Variants in UBN1 observed in about 807,000 individuals in gnomAD.
UBN1 encodes the protein ubinuclein 1.
A neutral mutation model predicts 108.5 loss-of-function variants in UBN1; 17 were observed. The ratio of observed to expected loss-of-function variants is 0.16; its 90% CI spans 0.11 to 0.24. UBN1 has a LOEUF of 0.24. Ranked by LOEUF, UBN1 falls within the 10% of genes least tolerant of loss-of-function variation. The probability of loss-of-function intolerance (pLI) is 1.00; values close to 1 mark genes in which losing one functional copy is unlikely to be tolerated. For missense variants in UBN1, 1,595 were observed against 1,394.4 expected (o/e 1.14, Z -2.29); for synonymous variants, 726 against 564.2 (o/e 1.29, Z -4.07).
Position 4,874,451 on chromosome 16 carries a change from G to C in UBN1, c.2041G>C (p.Ala681Pro). Residue 681 changes from alanine (A) to proline (P), a missense_variant, in exon 15 of 18, where the codon GCT becomes CCT. Coordinates refer to ENST00000262376, the MANE Select transcript of UBN1 (RefSeq NM_001079514.3). Reference protein sequence around the residue: ...SSVEAVSKELAALNSRAAGNS... With the variant: ...SSVEAVSKELPALNSRAAGNS... ...GGTGGAAGCCGTGTCCAAGGAATTG[G>C]CTGCATTGAATAGCAGAGCAGCTGG... The C allele has an allele frequency of 6.2e-7, 1 of 1,614,128 alleles. No homozygotes were observed. Among genetic ancestry groups the C allele is most frequent in the Non-Finnish European group, 8.5e-7 (1 of 1,180,034 alleles).
At chr16:4,868,290 ATG>A (rs1011306871) in intron 7 of UBN1, among the ~76,000 whole-genome samples, 2 of 152,188 alleles carry the variant, frequency 1.3e-5, no homozygotes, top group African/African-American at 4.8e-5. Flanking sequence ...AATAGGTAAT[ATG>A]GTGGGTTAAT....
intron 8 of UBN1, 89 bp downstream of exon 8, chr16:4,868,992 T>C (rs924647966): frequency 6.0e-6 from 8 of 1,325,754 alleles, no homozygotes; most frequent in Non-Finnish European, 6.4e-6. Context: ...GGGAGTACAA[T>C]TGAACTGCAT....
In UBN1 at chr16:4,859,773, T is replaced by A. The variant is rs1009094128; in HGVS notation, c.568-92T>A. The A allele has an allele frequency of 2.1e-5, 33 of 1,559,382 alleles. No individual in the cohort carries two copies. In the South Asian group the frequency reaches 3.8e-4, roughly 18 times the overall value. Reference sequence around the variant, plus strand: ...GAAGGAAATGAGACAGGTCTCAGGATGTGCCCCGGGCGGAGCAAGGCCAGT... The same window carrying A: ...GAAGGAAATGAGACAGGTCTCAGGAAGTGCCCCGGGCGGAGCAAGGCCAGT... On this transcript the variant is annotated intron_variant, in intron 5 of 17. Transcript: ENST00000262376.
At chr16:4,858,448 G>C (rs2086907584) in intron 3 of UBN1, 120 bp from the exon 4 acceptor site, 1 of 836,992 alleles carries the variant, frequency 1.2e-6, no homozygotes, top group Non-Finnish European at 1.9e-6. Context: ...GTGTATGTGA[G>C]AGAGTGACTG....
In UBN1 at chr16:4,853,001, G is replaced by A. The variant is rs760978486; in HGVS notation, c.84G>A (p.Glu28=). The A allele has an allele frequency of 7.4e-6, 12 of 1,614,092 alleles. No individual in the cohort carries two copies. The highest frequency in any genetic ancestry group is 9.3e-6 in the Non-Finnish European group (11 of 1,180,042). The stretch of plus-strand genomic sequence containing the variant: ...TTTTGAAGAAGTCCCGGAAGGAGGA[G>A]GCTGGGGCAGGAGAACAGCATCAGG... ...PAFLKKSRKE[E]AGAGEQHQDC... Residue 28 remains glutamate (E), a synonymous_variant, in exon 2 of 18, where the codon GAG becomes GAA. Transcript: ENST00000262376.
intron 6 of UBN1, 107 bp from the exon 7 acceptor site, chr16:4,860,557 A>G (rs2087012571): frequency 1.5e-5 from 18 of 1,164,346 alleles, no homozygotes; most frequent in Non-Finnish European, 1.8e-5. Context: ...GTGGACTGTG[A>G]CAGGTTCTCC....
At position 4,875,350 on chromosome 16, in the gene UBN1, G is replaced by A; in HGVS notation, c.2940G>A (p.Gly980=). ...GTCCAAACGGAGATTCCAGTGGTGGGACCCAGGGAGTGGCAAAGTTGCTGA... is the reference window on the plus strand; with the variant it reads ...GTCCAAACGGAGATTCCAGTGGTGGAACCCAGGGAGTGGCAAAGTTGCTGA... The part of the protein sequence containing the change: ...PGGPNGDSSG[G]TQGVAKLLTS... The change falls in exon 15 of 18, where the codon GGG becomes GGA. Residue 980 remains glycine (G), a synonymous_variant. Transcript: ENST00000262376. 1 of 1,614,186 alleles carries A rather than the reference G, an allele frequency of 6.2e-7. No individual in the cohort carries two copies. The highest frequency in any genetic ancestry group is 8.5e-7 in the Non-Finnish European group (1 of 1,180,042).
rs373998683 is a variant in UBN1 at position 4,852,972 on chromosome 16, G to C, written c.55G>C (p.Ala19Pro). The part of the protein sequence containing the change: ...FTSLPGSLNP[A>P]FLKKSRKEEA... ...CTCTCTCCCAGGTTCCCTGAATCCT[G>C]CGTTTTTGAAGAAGTCCCGGAAGGA... Residue 19 changes from alanine (A) to proline (P), a missense_variant, in exon 2 of 18, where the codon GCG (alanine) becomes CCG (proline). Around this residue, in one of 3 missense-constraint regions of UBN1, gnomAD observed 181 missense variants for 157.3 expected, o/e 1.15. Transcript: ENST00000262376. The C allele has an allele frequency of 1.2e-6, 2 of 1,614,070 alleles. No homozygotes were observed. Among genetic ancestry groups the C allele is most frequent in the Non-Finnish European group, 1.7e-6 (2 of 1,180,054 alleles).
intron 1 of UBN1, among the ~76,000 whole-genome samples, chr16:4,851,218 T>C (rs1316600750): frequency 6.6e-6 from 1 of 152,200 alleles, no homozygotes; most frequent in Non-Finnish European, 1.5e-5. Context: ...AATGACCATA[T>C]AGGCTGGGCT....
chr16:4,874,141 T>TATCCTCACAACAGGCCAATGTTGGC, intron 14 of UBN1, 70 bp from the exon 15 acceptor site: 1 of 1,488,272 alleles, frequency 6.7e-7, no homozygotes, highest in Non-Finnish European at 8.9e-7. Context: ...CACATGTTTG[T>TATCCTCACAACAGGCCAATGTTGGC]ATCCTCACAA....
rs3747614 is a variant in UBN1, at chr16:4,858,666, A to G, written c.432+3A>G. 0.14 allele frequency: 233,174 copies of G among 1,613,120 alleles called. 18,564 individuals are homozygous for G. The highest frequency in any genetic ancestry group is 0.26 in the South Asian group (23,475 of 91,028). On this transcript the variant is annotated splice_donor_region_variant and intron_variant, in intron 4 of 17. Transcript: ENST00000262376. ...CCTTCATCGATAACTCTGAGGCGGT[A>G]AGTAGTTACTGAAAATGCCGTGTCA...
chr16:4,871,029 A>T, intron 11 of UBN1, 57 bp downstream of exon 11: 1 of 1,608,880 alleles, frequency 6.2e-7, no homozygotes, highest in Non-Finnish European at 8.5e-7. Flanking sequence ...GTGTCTGAGC[A>T]CGTCCCCTAT....
intron 1 of UBN1, among the ~76,000 whole-genome samples, chr16:4,849,767 A>C (rs1190269786): frequency 6.6e-6 from 1 of 151,764 alleles, no homozygotes; most frequent in Non-Finnish European, 1.5e-5. Flanking sequence ...TAATTTAAAA[A>C]AAATTTTTTT....
Position 4,875,395 on chromosome 16 carries a change from C to T in UBN1, c.2985C>T (p.Pro995=), listed in dbSNP as rs757417847. ...TGCTGACCTCGCCGTCCCTAAAGCCCTCTGCAGTTAGTAGTGTGACATCGT... is the reference window on the plus strand; with the variant it reads ...TGCTGACCTCGCCGTCCCTAAAGCCTTCTGCAGTTAGTAGTGTGACATCGT... ...AKLLTSPSLK[P]SAVSSVTSST... Residue 995 remains proline, a synonymous_variant, in exon 15 of 18, where the codon CCC becomes CCT. Transcript: ENST00000262376. 7.6e-5 allele frequency: 123 copies of T among 1,613,838 alleles called. No individual in the cohort carries two copies. Among genetic ancestry groups the T allele is most frequent in the Non-Finnish European group, 1.0e-4 (120 of 1,179,942 alleles).
At chr16:4,866,664 C>T (rs2142213398) in intron 7 of UBN1, among the ~76,000 whole-genome samples, 1 of 152,312 alleles carries the variant, frequency 6.6e-6, no homozygotes, top group Non-Finnish European at 1.5e-5. Context: ...AGGCATGCAC[C>T]ACCATGCCCA....
At chr16:4,849,967 C>CAAAAAAAA (rs1427006025) in intron 1 of UBN1, among the ~76,000 whole-genome samples, 2 of 117,712 alleles carry the variant, frequency 1.7e-5, no homozygotes, top group Admixed American at 8.8e-5. Context: ...AAAAAAAAAA[C>CAAAAAAAA]CACAAAAAAA....
chr16:4,870,445 C>G lies in UBN1; in HGVS notation c.1312-71C>G, dbSNP rs2087571363. 17 of 1,609,978 alleles carry G rather than the reference C, an allele frequency of 1.1e-5. No individual in the cohort carries two copies. The South Asian group carries it at 1.8e-4, about 17-fold the overall frequency. On this transcript the variant is annotated intron_variant, in intron 9 of 17. Transcript: ENST00000262376. ...TGCTGCCCCACTGCCTCCTTGTGAT[C>G]ACCCCATCATGCGTCCTGAGCGTAA... is the stretch of plus-strand genomic sequence containing the variant.
intron 1 of UBN1, among the ~76,000 whole-genome samples, chr16:4,849,460 C>T (rs2086423017): frequency 6.6e-6 from 1 of 151,476 alleles, no homozygotes; most frequent in Admixed American, 6.6e-5. Flanking sequence ...TTTGAAAATA[C>T]AATGTTTAGA....
At chr16:4,859,802 G>T in intron 5 of UBN1, 63 bp from the exon 6 acceptor site, 3 of 1,606,290 alleles carry the variant, frequency 1.9e-6, no homozygotes, top group South Asian at 2.2e-5. Context: ...GGCCAGTGCC[G>T]TGTAGTGCAC....
Sources: allele counts gnomAD v4.1 joint callset (sites outside exome capture counted in the v4.1 genomes callset), GRCh38; gene constraint gnomAD v4.1.1; regional missense constraint gnomAD v4.1.1; transcripts MANE v1.5; gene names NCBI Gene and HGNC (gene_info 2026-07-23, HGNC 2026-07-21).